Variants in USP34 observed in about 807,000 individuals in gnomAD.
USP34 encodes ubiquitin specific peptidase 34.
Under a neutral mutation model 460.3 loss-of-function variants are expected in USP34, and 70 were observed. The observed-to-expected ratio is 0.15, with a 90% CI of 0.13 to 0.19. The LOEUF is 0.19. Ranked by LOEUF, USP34 falls within the 10% of genes least tolerant of loss-of-function variation. The pLI, the probability that USP34 is intolerant of heterozygous loss-of-function variation, is 1.00. For synonymous variants in USP34, 1,647 were observed against 1,405.3 expected (o/e 1.17, Z -3.85); for missense variants, 3,985 against 4,236.2 (o/e 0.94, Z 1.65).
Position 61,233,491 on chromosome 2 carries a change from TG to T in USP34, c.7033-960del. 2.0e-5 allele frequency among the ~76,000 whole-genome samples: 3 copies of T among 152,250 alleles called. 1 individual carries two copies. The highest frequency in any genetic ancestry group is 2.0e-4 in the Admixed American group (3 of 15,286). On this transcript the variant is annotated intron_variant, in intron 57 of 79. Transcript: ENST00000398571. ...ATCAACTGAAAATTTTTTTTTGAGA[TG>T]GAGAAAACTGAACATAGGATGGGTA...
chr2:61,277,956 C>G (rs1689420799), intron 41 of USP34: 2 of 561,502 alleles, frequency 3.6e-6, no homozygotes, highest in African/African-American at 1.9e-5. Flanking sequence ...ATGCGACTTG[C>G]TCGGACTTGC....
At chr2:61,244,978 C>T (rs952076581) in intron 51 of USP34, among the ~76,000 whole-genome samples, 5 of 152,094 alleles carry the variant, frequency 3.3e-5, no homozygotes, top group African/African-American at 7.2e-5. Flanking sequence ...TCCCATACTA[C>T]TAAGCTTTTT....
At position 61,303,892 on chromosome 2, in the gene USP34, G is replaced by A. The variant is rs538622375; in HGVS notation, c.3818-2438C>T. On this transcript the variant is annotated intron_variant, in intron 27 of 79. Coordinates refer to ENST00000398571, the MANE Select transcript of USP34 (RefSeq NM_014709.4). ...TTACAGTGTGAGCCATTAATACTTT[G>A]GTAGTTTTTTTGTTTTGTTTTGTTT... 3.5e-4 allele frequency among the ~76,000 whole-genome samples: 52 copies of A among 149,928 alleles called. No homozygotes were observed. In the Middle Eastern group the frequency reaches 0.011, roughly 31 times the overall value.
At chr2:61,468,566 A>G (rs903948068) in intron 1 of USP34, among the ~76,000 whole-genome samples, 4 of 152,364 alleles carry the variant, frequency 2.6e-5, no homozygotes, top group Middle Eastern at 3.4e-3. Context: ...AGGCAATATT[A>G]AGAAACTAAG....
At chr2:61,411,511 T>C (rs371329173) in intron 2 of USP34, among the ~76,000 whole-genome samples, 47 of 152,356 alleles carry the variant, frequency 3.1e-4, no homozygotes, top group Middle Eastern at 3.4e-3. Flanking sequence ...AAGCGAAAGA[T>C]TGAAATATAC....
chr2:61,258,075 C>T (rs998532226), intron 44 of USP34, among the ~76,000 whole-genome samples: 1 of 152,046 alleles, frequency 6.6e-6, no homozygotes, highest in Non-Finnish European at 1.5e-5. Context: ...GATTAAAGGC[C>T]AGGTATGATA....
chr2:61,349,827 C>G (rs549300577), intron 12 of USP34, among the ~76,000 whole-genome samples: 1 of 148,842 alleles, frequency 6.7e-6, no homozygotes, highest in South Asian at 2.2e-4. Context: ...GGTGACAGAC[C>G]GAGGCTCCGT....
chr2:61,294,795 G>A (rs558151647), intron 32 of USP34, among the ~76,000 whole-genome samples, 154 bp downstream of exon 32: 13 of 152,174 alleles, frequency 8.5e-5, no homozygotes, highest in East Asian at 7.7e-4. Context: ...CTCAGTTTAC[G>A]TTATTGCAAC....
Position 61,314,942 on chromosome 2 carries a change from A to G in USP34, c.3315T>C (p.Ala1105=), listed in dbSNP as rs1690698111. The G allele has an allele frequency of 6.2e-7, 1 of 1,613,790 alleles. No homozygotes were observed. Among genetic ancestry groups the G allele is most frequent in the Non-Finnish European group, 8.5e-7 (1 of 1,179,890 alleles). Residue 1105 remains alanine (A), a synonymous_variant, in exon 24 of 80, where the codon GCT becomes GCC. Coordinates refer to ENST00000398571, the MANE Select transcript of USP34 (RefSeq NM_014709.4). ...TGACATCACCAGATTGTGCTCTTAA[A>G]GCAATGCCCCAAAATTGGTCCATAC... The part of the protein sequence containing the change: ...LCGMDQFWGI[A]LRAQSGDVSR...
intron 1 of USP34, among the ~76,000 whole-genome samples, chr2:61,431,369 C>T (rs555554331): frequency 1.3e-4 from 20 of 152,212 alleles, no homozygotes; most frequent in Middle Eastern, 6.8e-3. Flanking sequence ...ACTACAGGTG[C>T]ATTTCACCAC....
At chr2:61,376,695 T>A (rs1048693473) in intron 8 of USP34, among the ~76,000 whole-genome samples, 3 of 151,918 alleles carry the variant, frequency 2.0e-5, no homozygotes, top group African/African-American at 7.3e-5. Context: ...TCGCCCAGGT[T>A]GGAGTGAAAA....
chr2:61,273,397 A>C (rs111586425), intron 41 of USP34, among the ~76,000 whole-genome samples: 236 of 152,326 alleles, frequency 1.5e-3, no homozygotes, highest in Non-Finnish European at 2.8e-3. Context: ...AACAGCCAGG[A>C]AAATACTGAA....
chr2:61,290,765 C>T (rs1689826915), intron 33 of USP34, among the ~76,000 whole-genome samples: 1 of 152,096 alleles, frequency 6.6e-6, no homozygotes, highest in African/African-American at 2.4e-5. Context: ...TTATTTATTA[C>T]ATGAAAAGTA....
At chr2:61,392,766 G>A (rs574654143) in intron 5 of USP34, among the ~76,000 whole-genome samples, 4 of 152,130 alleles carry the variant, frequency 2.6e-5, no homozygotes, top group Non-Finnish European at 5.9e-5. Flanking sequence ...GTTTAATCCA[G>A]GTTTATGTAA....
chr2:61,366,733 A>G (rs1692452709), intron 10 of USP34, among the ~76,000 whole-genome samples: 1 of 152,130 alleles, frequency 6.6e-6, no homozygotes, highest in East Asian at 1.9e-4. Context: ...TATATACAAC[A>G]TTTATGTAGT....
At chr2:61,365,944 C>CTATTTATTTCTTTATT (rs1553377145) in intron 10 of USP34, among the ~76,000 whole-genome samples, 2 of 150,186 alleles carry the variant, frequency 1.3e-5, no homozygotes, top group Non-Finnish European at 3.0e-5. Flanking sequence ...CTGGGAACAC[C>CTATTTATTTCTTTATT]TATTTATTTA....
intron 69 of USP34, among the ~76,000 whole-genome samples, chr2:61,210,145 T>C (rs1169442270): frequency 6.6e-6 from 1 of 152,168 alleles, no homozygotes; most frequent in African/African-American, 2.4e-5. Context: ...TAGTGTAGCT[T>C]AAGTGTACAG....
chr2:61,298,410 C>T lies in USP34; in HGVS notation c.4129-1485G>A, dbSNP rs374666063. Among the ~76,000 whole-genome samples, 74 of 145,402 alleles carry T rather than the reference C, an allele frequency of 5.1e-4. 2 individuals carry two copies. The East Asian group carries it at 0.015, about 29-fold the overall frequency. The stretch of plus-strand genomic sequence containing the variant: ...AAAACTAGCTGGGCGTGGTGGCGTG[C>T]GCCTGTAGTCCCAGCTACTCAGGAG... On this transcript the variant is annotated intron_variant, in intron 29 of 79. Coordinates refer to ENST00000398571, the MANE Select transcript of USP34 (RefSeq NM_014709.4).
At chr2:61,275,258 G>A (rs1187691492) in intron 41 of USP34, among the ~76,000 whole-genome samples, 1 of 152,118 alleles carries the variant, frequency 6.6e-6, no homozygotes, top group Non-Finnish European at 1.5e-5. Flanking sequence ...CAGCCTGGGT[G>A]ACAGAGCCAG....
Sources: gnomAD v4.1 joint callset for allele counts (sites outside exome capture counted in the v4.1 genomes callset) on GRCh38, gnomAD v4.1.1 for gene constraint, MANE v1.5 for transcripts, NCBI Gene and HGNC (gene_info 2026-07-23, HGNC 2026-07-21) for gene names.